CACNA2D3: variants seen among roughly 807,000 people sequenced by gnomAD.
CACNA2D3 encodes calcium voltage-gated channel auxiliary subunit alpha2delta 3.
Under a neutral mutation model 160.6 loss-of-function variants are expected in CACNA2D3, and 60 were observed. The ratio of observed to expected loss-of-function variants is 0.37; its 90% CI spans 0.30 to 0.46. The LOEUF (loss-of-function observed/expected upper bound fraction) is 0.46, where lower values mean the gene tolerates loss of function less well. Ranked by LOEUF, CACNA2D3 falls within the 20% of genes least tolerant of loss-of-function variation. The pLI, the probability that CACNA2D3 is intolerant of heterozygous loss-of-function variation, is 1.00. For missense variants in CACNA2D3, 1,205 were observed against 1,365.0 expected (o/e 0.88, Z 1.85); for synonymous variants, 558 against 492.9 (o/e 1.13, Z -1.75).
chr3:54,951,381 C>T (rs1454827866), intron 27 of CACNA2D3, among the ~76,000 whole-genome samples: 1 of 152,190 alleles, frequency 6.6e-6, no homozygotes, highest in East Asian at 1.9e-4. Context: ...ATGTGCAAGA[C>T]ATACTTTGTA....
chr3:54,628,547 T>C (rs1699171144), intron 10 of CACNA2D3, among the ~76,000 whole-genome samples: 2 of 152,194 alleles, frequency 1.3e-5, no homozygotes, highest in African/African-American at 4.8e-5. Flanking sequence ...GCTGCTGTAT[T>C]TAGAAGCAAC....
intron 11 of CACNA2D3, among the ~76,000 whole-genome samples, chr3:54,702,389 A>T (rs751054194): frequency 6.6e-6 from 1 of 150,874 alleles, no homozygotes; most frequent in African/African-American, 2.5e-5. Flanking sequence ...TCTATAAGGA[A>T]CTTAAACTTA....
intron 35 of CACNA2D3, among the ~76,000 whole-genome samples, chr3:55,028,959 T>C (rs1703623884): frequency 6.6e-6 from 1 of 152,194 alleles, no homozygotes; most frequent in Non-Finnish European, 1.5e-5. Flanking sequence ...AAGAAAGTAA[T>C]TGGTCTCGAA....
At chr3:54,520,688 A>G (rs769501840) in intron 5 of CACNA2D3, among the ~76,000 whole-genome samples, 6 of 152,198 alleles carry the variant, frequency 3.9e-5, no homozygotes, top group Non-Finnish European at 7.3e-5. Flanking sequence ...AGATATTTGC[A>G]GCCATCAGTC....
intron 13 of CACNA2D3, among the ~76,000 whole-genome samples, chr3:54,795,481 A>G (rs1702849621): frequency 6.6e-6 from 1 of 152,142 alleles, no homozygotes; most frequent in Non-Finnish European, 1.5e-5. Flanking sequence ...GATGGTGGGC[A>G]TTATGTTTCT....
At chr3:54,224,729 T>A (rs1701639098) in intron 2 of CACNA2D3, among the ~76,000 whole-genome samples, 1 of 152,198 alleles carries the variant, frequency 6.6e-6, no homozygotes, top group South Asian at 2.1e-4. Flanking sequence ...CTATTAGATA[T>A]TAAACTTTAA....
intron 5 of CACNA2D3, among the ~76,000 whole-genome samples, chr3:54,538,017 A>G (rs1701915681): frequency 6.6e-6 from 1 of 152,152 alleles, no homozygotes; most frequent in Non-Finnish European, 1.5e-5. Flanking sequence ...TTTTTCACCC[A>G]GGAGTGCTCC....
chr3:54,311,395 T>C (rs920037237), intron 2 of CACNA2D3, among the ~76,000 whole-genome samples: 1 of 152,204 alleles, frequency 6.6e-6, no homozygotes. Context: ...ATTACTAGGC[T>C]CCTTCATAGA....
chr3:54,535,049 C>T (rs574098495), intron 5 of CACNA2D3, among the ~76,000 whole-genome samples: 7 of 152,302 alleles, frequency 4.6e-5, no homozygotes, highest in Admixed American at 2.0e-4. Context: ...TTGTTTTATG[C>T]TTCATCATTC....
chr3:54,809,285 C>CTCTT (rs138470217), intron 13 of CACNA2D3, among the ~76,000 whole-genome samples: 1 of 133,752 alleles, frequency 7.5e-6, no homozygotes, highest in Admixed American at 7.6e-5. Context: ...TCTTTCTTCT[C>CTCTT]TCTTTCTTTC....
chr3:54,305,446 A>G (rs1703576110), intron 2 of CACNA2D3, among the ~76,000 whole-genome samples: 1 of 152,260 alleles, frequency 6.6e-6, no homozygotes, highest in Non-Finnish European at 1.5e-5. Context: ...ACTATAATTT[A>G]TACTTAGAGA....
At chr3:54,633,935 T>C (rs1219490435) in intron 10 of CACNA2D3, among the ~76,000 whole-genome samples, 1 of 152,170 alleles carries the variant, frequency 6.6e-6, no homozygotes, top group Non-Finnish European at 1.5e-5. Flanking sequence ...CTTTCCCCTA[T>C]GCCATGGTAC....
intron 35 of CACNA2D3, among the ~76,000 whole-genome samples, chr3:55,073,236 C>T (rs551782444): frequency 6.6e-6 from 1 of 152,204 alleles, no homozygotes; most frequent in African/African-American, 2.4e-5. Context: ...AGCCGCATGT[C>T]GTCATAGCTA....
chr3:54,511,174 G>A (rs1334136551), intron 5 of CACNA2D3, among the ~76,000 whole-genome samples: 2 of 152,314 alleles, frequency 1.3e-5, no homozygotes, highest in East Asian at 3.9e-4. Context: ...TGGCTCCATG[G>A]CTGCCATGTC....
intron 3 of CACNA2D3, among the ~76,000 whole-genome samples, chr3:54,355,248 C>CT (rs1698628857): frequency 6.6e-6 from 1 of 152,100 alleles, no homozygotes; most frequent in Non-Finnish European, 1.5e-5. Context: ...AACTTTGAGG[C>CT]TAAGATTAGG....
chr3:54,530,389 G>C (rs1701788390), intron 5 of CACNA2D3, among the ~76,000 whole-genome samples: 1 of 152,146 alleles, frequency 6.6e-6, no homozygotes, highest in South Asian at 2.1e-4. Flanking sequence ...CTATGTACCT[G>C]TGATTAAGTT....
At chr3:55,028,012 G>GT (rs1703601942) in intron 35 of CACNA2D3, among the ~76,000 whole-genome samples, 1 of 152,216 alleles carries the variant, frequency 6.6e-6, no homozygotes, top group South Asian at 2.1e-4. Context: ...CTAGAACTAA[G>GT]TAAATCATGT....
intron 4 of CACNA2D3, among the ~76,000 whole-genome samples, chr3:54,460,240 T>G (rs1241632943): frequency 2.6e-5 from 4 of 152,114 alleles, no homozygotes; most frequent in Admixed American, 6.6e-5. Context: ...TGGCTTAGGA[T>G]TGACTTGGCG....
intron 8 of CACNA2D3, 96 bp from the exon 9 acceptor site, chr3:54,581,707 C>A: frequency 1.1e-6 from 1 of 935,748 alleles, no homozygotes; most frequent in Non-Finnish European, 1.7e-6. Context: ...TGTGATTGTG[C>A]CGCTTTTTTG....
Sources: allele counts gnomAD v4.1 joint callset (sites outside exome capture counted in the v4.1 genomes callset), GRCh38; gene constraint gnomAD v4.1.1; transcripts MANE v1.5; gene names NCBI Gene and HGNC (gene_info 2026-07-23, HGNC 2026-07-21).